The following ANO1 variants were observed in gnomAD, a reference collection of about 807,000 sequenced individuals.
ANO1 encodes anoctamin 1.
Under a neutral mutation model 124.0 loss-of-function variants are expected in ANO1, and 59 were observed. The observed-to-expected ratio is 0.48, with a 90% CI of 0.39 to 0.59. The LOEUF is 0.59. Among genes scored for constraint, ANO1 ranks in the 20% least tolerant of loss-of-function variants. The pLI, the probability that ANO1 is intolerant of heterozygous loss-of-function variation, is 0.00. For missense variants in ANO1, 1,059 were observed against 1,328.0 expected, an observed-to-expected ratio of 0.80 and a Z score of 3.15; for synonymous variants, 529 against 532.0, an observed-to-expected ratio of 0.99 and a Z score of 0.08.
At chr11:70,165,195 C>T (rs1035964154) in intron 19 of ANO1, among the ~76,000 whole-genome samples, 9 of 152,180 alleles carry the variant, frequency 5.9e-5, no homozygotes, top group African/African-American at 2.2e-4. Flanking sequence ...CCTCTTCCCT[C>T]TGTGCCCGCG....
At chr11:70,187,588 T>G in intron 25 of ANO1, 150 bp from the exon 26 acceptor site, 1 of 995,714 alleles carries the variant, frequency 1.0e-6, no homozygotes, top group Non-Finnish European at 1.4e-6. Context: ...TATGCCTCCT[T>G]TATAGCTTCT....
intron 1 of ANO1, among the ~76,000 whole-genome samples, chr11:70,026,119 G>T (rs1354479322): frequency 1.3e-5 from 2 of 148,238 alleles, no homozygotes; most frequent in African/African-American, 2.5e-5. Context: ...TGATGATGAC[G>T]ATGGTGCTGG....
At chr11:69,995,503 A>T (rs1856251967) in intron 1 of ANO1, among the ~76,000 whole-genome samples, 1 of 152,178 alleles carries the variant, frequency 6.6e-6, no homozygotes, top group Non-Finnish European at 1.5e-5. Context: ...CAGTGCATTT[A>T]GTCCTCATGA....
intron 2 of ANO1, among the ~76,000 whole-genome samples, chr11:70,102,415 A>G (rs746796031): frequency 1.3e-5 from 2 of 152,160 alleles, no homozygotes; most frequent in African/African-American, 2.4e-5. Flanking sequence ...TGAGGACCAG[A>G]GAGAGGTGAC....
intron 21 of ANO1, among the ~76,000 whole-genome samples, chr11:70,168,595 G>C (rs2048341358): frequency 6.6e-6 from 1 of 152,136 alleles, no homozygotes; most frequent in Admixed American, 6.5e-5. Flanking sequence ...TTTGCTGACT[G>C]AATGGATGAA....
At chr11:69,974,824 G>C in the ANO1 span, among the ~76,000 whole-genome samples, 1 of 151,582 alleles carries the variant, frequency 6.6e-6, no homozygotes, top group African/African-American at 2.4e-5. Context: ...CAGGATTCCT[G>C]GCTGCAAGCA....
intron 7 of ANO1, 39 bp from the exon 8 acceptor site, chr11:70,116,419 T>A: frequency 6.4e-7 from 1 of 1,574,226 alleles, no homozygotes; most frequent in East Asian, 2.3e-5. Flanking sequence ...CAAAGCTCCA[T>A]TGGATGATAA....
chr11:70,163,472 G>GGAAACTTTT (rs1436676040), intron 19 of ANO1, 132 bp downstream of exon 19: 1 of 1,186,696 alleles, frequency 8.4e-7, no homozygotes, highest in Non-Finnish European at 1.2e-6. Context: ...CCTTCTTGCT[G>GGAAACTTTT]GAAACTTTTC....
At position 70,161,662 on chromosome 11, in the gene ANO1, C is replaced by G; in HGVS notation, c.1821C>G (p.Ile607Met). ...KTEKSFEERL[I>M]FKAFLLKFVN... ...AGAAAAGCTTTGAGGAGAGGCTGAT[C>G]TTCAAGGCTTTCCTGCTGAAGTTTG... The change falls in exon 18 of 26, where the codon ATC (isoleucine) becomes ATG (methionine). Residue 607 changes from isoleucine (I) to methionine (M), a missense_variant. Transcript: ENST00000355303. The G allele has an allele frequency of 6.2e-7, 1 of 1,614,030 alleles. No individual in the cohort carries two copies. Among genetic ancestry groups the G allele is most frequent in the Non-Finnish European group, 8.5e-7 (1 of 1,179,886 alleles).
In ANO1 at chr11:70,006,652, C is replaced by CTTTTTTTTTTTTTTTTTTT. The variant is rs1565158811; in HGVS notation, c.58+20489_58+20490insTTTTTTTTTTTTTTTTTTT. Among the ~76,000 whole-genome samples the CTTTTTTTTTTTTTTTTTTT allele has an allele frequency of 2.7e-5, 3 of 111,836 alleles. 1 individual carries two copies. Among genetic ancestry groups the CTTTTTTTTTTTTTTTTTTT allele is most frequent in the Admixed American group, 2.1e-4 (2 of 9,608 alleles). 73.4% of individuals were successfully genotyped at this position (111,836 alleles called of 152,430 possible). ...TCTTTCTTTTCTTTCTTCTTTCTTT[C>CTTTTTTTTTTTTTTTTTTT]TTTCTTCTTTCTTTTTTTTTTTTTT... On this transcript the variant is annotated intron_variant, in intron 1 of 27. Coordinates refer to the ANO1 transcript ENST00000531349.
At chr11:70,087,404 C>A (rs2044426489) in intron 1 of ANO1, among the ~76,000 whole-genome samples, 2 of 152,122 alleles carry the variant, frequency 1.3e-5, no homozygotes, top group African/African-American at 4.8e-5. Context: ...ATTAACCATC[C>A]CCTACCATAG....
chr11:70,084,933 G>A (rs572112666), intron 1 of ANO1, among the ~76,000 whole-genome samples: 4 of 152,110 alleles, frequency 2.6e-5, no homozygotes, highest in Non-Finnish European at 1.5e-5. Flanking sequence ...GTTTCCTCCA[G>A]GTCAAATGGA....
chr11:70,163,400 A>G, intron 19 of ANO1, 60 bp downstream of exon 19: 2 of 1,582,040 alleles, frequency 1.3e-6, no homozygotes, highest in Middle Eastern at 1.7e-4. Context: ...ATTTGTCTAC[A>G]CCATGCACTT....
At chr11:70,053,794 A>G (rs894588945) in intron 1 of ANO1, among the ~76,000 whole-genome samples, 33 of 152,314 alleles carry the variant, frequency 2.2e-4, no homozygotes, top group Admixed American at 2.0e-3. Context: ...AATTTTACCA[A>G]TGGAGCTCTA....
intron 13 of ANO1, 150 bp from the exon 14 acceptor site, chr11:70,152,907 T>C: frequency 1.5e-6 from 1 of 681,654 alleles, no homozygotes. Flanking sequence ...GATGGGGTGA[T>C]TACACTGGAA....
chr11:70,111,827 A>C (rs2045793630), intron 7 of ANO1, 65 bp downstream of exon 7: 1 of 1,536,830 alleles, frequency 6.5e-7, no homozygotes, highest in South Asian at 1.1e-5. Context: ...GCCGGGCCAC[A>C]CCCCCCCGGG....
chr11:70,163,310 G>T lies in ANO1; in HGVS notation c.1920G>T (p.Val640=), dbSNP rs761710671. 39 of 1,613,998 alleles carry T rather than the reference G, an allele frequency of 2.4e-5. No homozygotes were observed. The South Asian group carries it at 4.1e-4, about 17-fold the overall frequency. ...GRFVGRPGDY[V]YIFRSFRMEE... Reference sequence around the variant, plus strand: ...TTGTTGGACGCCCGGGCGACTACGTGTACATTTTCCGTTCCTTCCGAATGG... The same window carrying T: ...TTGTTGGACGCCCGGGCGACTACGTTTACATTTTCCGTTCCTTCCGAATGG... The change falls in exon 19 of 26, where the codon GTG becomes GTT. Residue 640 remains valine, a synonymous_variant. Coordinates refer to ENST00000355303, the MANE Select transcript of ANO1 (RefSeq NM_018043.7).
chr11:70,023,357 C>T (rs1439389897), intron 1 of ANO1, among the ~76,000 whole-genome samples: 2 of 152,200 alleles, frequency 1.3e-5, no homozygotes, highest in African/African-American at 4.8e-5. Flanking sequence ...CTCCAGAGCT[C>T]GCCATTTGGG....
intron 1 of ANO1, among the ~76,000 whole-genome samples, chr11:70,019,898 G>A (rs1378944730): frequency 3.3e-5 from 5 of 152,338 alleles, no homozygotes; most frequent in South Asian, 2.1e-4. Context: ...TGGCTTCACC[G>A]GCCCAGCCAG....
Sources: gnomAD v4.1 joint callset for allele counts (sites outside exome capture counted in the v4.1 genomes callset) on GRCh38, gnomAD v4.1.1 for gene constraint, MANE v1.5 for transcripts, NCBI Gene and HGNC (gene_info 2026-07-23, HGNC 2026-07-21) for gene names.